SPATA6L: variants seen among roughly 807,000 people sequenced by gnomAD.
SPATA6L encodes the protein spermatogenesis associated 6 like, also known as spermatogenesis associated 6-like protein.
In SPATA6L, 68 loss-of-function variants were observed where a neutral mutation model predicts 49.2. That is an observed-to-expected ratio of 1.38 (90% CI 1.14 to 1.69). SPATA6L has a LOEUF of 1.69. SPATA6L is among the 40% of genes most tolerant of loss of function. The probability of loss-of-function intolerance (pLI) is 0.00; values close to 1 mark genes in which losing one functional copy is unlikely to be tolerated. For missense variants in SPATA6L, 668 were observed against 464.3 expected, an observed-to-expected ratio of 1.44 and a Z score of -4.03; for synonymous variants, 198 against 165.7, an observed-to-expected ratio of 1.19 and a Z score of -1.50.
At chr9:4,655,049 C>A (rs1837802837) in intron 3 of SPATA6L, among the ~76,000 whole-genome samples, 1 of 152,164 alleles carries the variant, frequency 6.6e-6, no homozygotes, top group Non-Finnish European at 1.5e-5. Context: ...CCTAGGTATA[C>A]CCAAGAGGCA....
At position 4,629,174 on chromosome 9, in the gene SPATA6L, A is replaced by C; in HGVS notation, c.352-6T>G. 1 of 1,586,806 alleles carries C rather than the reference A, an allele frequency of 6.3e-7. No homozygotes were observed. The highest frequency in any genetic ancestry group is 8.6e-7 in the Non-Finnish European group (1 of 1,167,690). On this transcript the variant is annotated splice_polypyrimidine_tract_variant and splice_region_variant and intron_variant, in intron 4 of 11. Coordinates refer to ENST00000682582, the MANE Select transcript of SPATA6L (RefSeq NM_001353486.2). ...TCTATTTTGGGAGCAATGCCCTATA[A>C]AACAGCATAAAAAAAGCAAATAAAA...
Position 4,666,294 on chromosome 9 carries a change from T to G in SPATA6L, c.-44A>C, listed in dbSNP as rs1563757345. On this transcript the variant is annotated 5_prime_UTR_variant, in exon 1 of 12. Transcript: ENST00000682582. ...AAGGACTGGAATGAGAAGATCCTTT[T>G]GTGCCGAGCCTTGGACCAATTTTTC... 6.2e-7 allele frequency: 1 copy of G among 1,611,804 alleles called. No homozygotes were observed. Among genetic ancestry groups the G allele is most frequent in the African/African-American group, 1.3e-5 (1 of 74,880 alleles).
downstream of SPATA6L, among the ~76,000 whole-genome samples, chr9:4,593,532 C>A (rs1404489439): frequency 3.3e-5 from 5 of 152,026 alleles, no homozygotes; most frequent in Non-Finnish European, 2.9e-5. Flanking sequence ...CCTTTTCTTG[C>A]CAAATTTTGG....
At position 4,666,194 on chromosome 9, in the gene SPATA6L, A is replaced by T; in HGVS notation, c.39+18T>A. 1 of 1,613,478 alleles carries T rather than the reference A, an allele frequency of 6.2e-7. No individual in the cohort carries two copies. The highest frequency in any genetic ancestry group is 8.5e-7 in the Non-Finnish European group (1 of 1,179,598). ...GTCCGACTTGAGGTTAAGGAGGGGG[A>T]GTTCATCGATCTCTTACCGCCCGGA... On this transcript the variant is annotated intron_variant, in intron 1 of 11. Transcript: ENST00000682582.
chr9:4,627,894 A>C, intron 5 of SPATA6L: 1 of 951,200 alleles, frequency 1.1e-6, no homozygotes, highest in Non-Finnish European at 1.5e-6. Context: ...TAAAGAAATT[A>C]TATTACATAC....
chr9:4,629,885 T>C (rs1831177502), intron 4 of SPATA6L, among the ~76,000 whole-genome samples: 2 of 150,494 alleles, frequency 1.3e-5, no homozygotes, highest in South Asian at 4.2e-4. Flanking sequence ...AACTGAAAAA[T>C]GGGCAAAAAC....
rs553292127 is a variant in SPATA6L at position 4,632,268 on chromosome 9, T to C, written c.351+3007A>G. Among the ~76,000 whole-genome samples the C allele has an allele frequency of 2.6e-5, 4 of 151,910 alleles. No homozygotes were observed. In the South Asian group the frequency reaches 6.3e-4, roughly 24 times the overall value. ...GCTATTATCGAAGTGATGGCTCTTTTTTGTGGTATCTCGGAGGCAATCAGC... is the reference window on the plus strand; with the variant it reads ...GCTATTATCGAAGTGATGGCTCTTTCTTGTGGTATCTCGGAGGCAATCAGC... On this transcript the variant is annotated intron_variant, in intron 4 of 11. Coordinates refer to ENST00000682582, the MANE Select transcript of SPATA6L (RefSeq NM_001353486.2).
intron 9 of SPATA6L, among the ~76,000 whole-genome samples, chr9:4,616,954 A>G (rs1587084701): frequency 6.6e-6 from 1 of 152,344 alleles, no homozygotes; most frequent in East Asian, 1.9e-4. Context: ...AAAGCTCGTC[A>G]TACGTTAATG....
intron 2 of SPATA6L, 50 bp from the exon 3 acceptor site, chr9:4,656,139 G>T: frequency 2.0e-6 from 3 of 1,514,590 alleles, no homozygotes; most frequent in Middle Eastern, 1.7e-4. Context: ...ATTAATAAGC[G>T]CATATAGAAA....
intron 13 of SPATA6L, among the ~76,000 whole-genome samples, chr9:4,591,392 G>T (rs12379402): frequency 2.6e-5 from 4 of 152,286 alleles, no homozygotes; most frequent in Non-Finnish European, 2.9e-5. Flanking sequence ...AATTATAAAG[G>T]TTTTCCAAAA....
chr9:4,666,301 A>G lies in SPATA6L; in HGVS notation c.-51T>C, dbSNP rs756417802. 1.2e-6 allele frequency: 2 copies of G among 1,605,710 alleles called. No individual in the cohort carries two copies. Among genetic ancestry groups the G allele is most frequent in the Non-Finnish European group, 1.7e-6 (2 of 1,172,608 alleles). On this transcript the variant is annotated 5_prime_UTR_variant, in exon 1 of 12. Coordinates refer to ENST00000682582, the MANE Select transcript of SPATA6L (RefSeq NM_001353486.2). ...GGAATGAGAAGATCCTTTTGTGCCGAGCCTTGGACCAATTTTTCTTAGTTT... is the reference window on the plus strand; with the variant it reads ...GGAATGAGAAGATCCTTTTGTGCCGGGCCTTGGACCAATTTTTCTTAGTTT...
At position 4,662,636 on chromosome 9, in the gene SPATA6L, C is replaced by T. The variant is rs780197789; in HGVS notation, c.40-600G>A. 4.4e-6 allele frequency: 7 copies of T among 1,598,360 alleles called. 1 individual carries two copies. Among genetic ancestry groups the T allele is most frequent in the South Asian group, 3.3e-5 (3 of 90,968 alleles). On this transcript the variant is annotated intron_variant, in intron 1 of 11. Coordinates refer to ENST00000682582, the MANE Select transcript of SPATA6L (RefSeq NM_001353486.2). The surrounding 1 kb of genome is among the most constrained non-coding windows in gnomAD (Gnocchi z 4.9). ...CGCAGTCGCCCGCGCCTCCGCTGCC[C>T]GAGGAGGACCGCATGGACTTGAACC...
Position 4,657,359 on chromosome 9 carries a change from C to G in SPATA6L, c.178-1270G>C, listed in dbSNP as rs538929825. Among the ~76,000 whole-genome samples, 19 of 152,022 alleles carry G rather than the reference C, an allele frequency of 1.2e-4. No individual in the cohort carries two copies. In the East Asian group the frequency reaches 3.5e-3, roughly 28 times the overall value. On this transcript the variant is annotated intron_variant, in intron 2 of 11. Coordinates refer to ENST00000682582, the MANE Select transcript of SPATA6L (RefSeq NM_001353486.2). ...TGTTATGGGTTGAATTGTGTCCCCC[C>G]AAAAATTCATGGAATGAAGTCTTAA... is the stretch of plus-strand genomic sequence containing the variant.
At chr9:4,646,469 G>A in intron 3 of SPATA6L, 1 of 1,501,062 alleles carries the variant, frequency 6.7e-7, no homozygotes, top group Non-Finnish European at 8.9e-7. Context: ...TTTAGAAACG[G>A]ATTTACTGCC....
In SPATA6L at chr9:4,662,960, C is replaced by A. The variant is rs939386715; in HGVS notation, c.40-924G>T. On this transcript the variant is annotated intron_variant, in intron 1 of 11. Transcript: ENST00000682582. This position sits in a 1 kb window ranked among gnomAD's most constrained non-coding sequence, Gnocchi z 4.9. ...TCCGCAGGCGCCGCCCGGCCCACAA[C>A]CAGATGGACATGTTTGTCACTCTCT... The A allele has an allele frequency of 6.2e-7, 1 of 1,612,596 alleles. No homozygotes were observed. The highest frequency in any genetic ancestry group is 8.5e-7 in the Non-Finnish European group (1 of 1,179,938).
Position 4,603,666 on chromosome 9 carries a change from A to C in SPATA6L, c.*1+513T>G, listed in dbSNP as rs550304214. Among the ~76,000 whole-genome samples the C allele has an allele frequency of 3.3e-5, 5 of 152,362 alleles. No individual in the cohort carries two copies. In the East Asian group the frequency reaches 9.6e-4, roughly 29 times the overall value. ...TCTCATAAGGTTTCACTCCAGTAGA[A>C]GAGACAGATTTTAAACAATCAGCCC... On this transcript the variant is annotated intron_variant, in intron 11 of 11. Coordinates refer to ENST00000682582, the MANE Select transcript of SPATA6L (RefSeq NM_001353486.2).
At chr9:4,608,971 C>T (rs1479811924) in intron 9 of SPATA6L, among the ~76,000 whole-genome samples, 1 of 151,900 alleles carries the variant, frequency 6.6e-6, no homozygotes, top group African/African-American at 2.4e-5. Context: ...GATATCACCA[C>T]CGATCCCACA....
At chr9:4,618,740 A>T (rs1828586495) in intron 8 of SPATA6L, 124 bp downstream of exon 8, 2 of 917,442 alleles carry the variant, frequency 2.2e-6, no homozygotes, top group Admixed American at 4.8e-5. Flanking sequence ...TACAAACACT[A>T]AACTACAGCA....
At chr9:4,606,202 G>A (rs1374049390) in intron 9 of SPATA6L, among the ~76,000 whole-genome samples, 3 of 150,536 alleles carry the variant, frequency 2.0e-5, no homozygotes, top group Non-Finnish European at 4.4e-5. Flanking sequence ...CAAACTGCAA[G>A]GCGGCAGCGA....
Sources: gnomAD v4.1 joint callset for allele counts (sites outside exome capture counted in the v4.1 genomes callset) on GRCh38, gnomAD v4.1.1 for gene constraint, Gnocchi (gnomAD v3.1) non-coding constraint, MANE v1.5 for transcripts, NCBI Gene and HGNC (gene_info 2026-07-23, HGNC 2026-07-21) for gene names.